The following ADAMTS19 variants were observed in gnomAD, a reference collection of about 807,000 sequenced individuals.
The protein encoded by ADAMTS19 is A disintegrin and metalloproteinase with thrombospondin motifs 19.
ADAMTS19 carries 93 observed loss-of-function variants against 153.3 expected under a neutral mutation model. The ratio of observed to expected loss-of-function variants is 0.61; its 90% CI spans 0.51 to 0.72. ADAMTS19 has a LOEUF of 0.72. Ranked by LOEUF, ADAMTS19 falls within the 30% of genes least tolerant of loss-of-function variation. ADAMTS19 has a pLI of 0.00. For missense variants in ADAMTS19, 1,482 were observed against 1,552.1 expected (o/e 0.95, Z 0.76); for synonymous variants, 600 against 556.6 (o/e 1.08, Z -1.10).
intron 6 of ADAMTS19, among the ~76,000 whole-genome samples, chr5:129,529,314 A>G (rs932208238): frequency 9.8e-5 from 15 of 152,306 alleles, no homozygotes; most frequent in African/African-American, 3.1e-4. Context: ...AATTTTAGTC[A>G]TCAAAAGTGT....
intron 7 of ADAMTS19, among the ~76,000 whole-genome samples, chr5:129,554,320 G>A (rs943936862): frequency 6.6e-6 from 1 of 152,110 alleles, no homozygotes; most frequent in Non-Finnish European, 1.5e-5. Flanking sequence ...TTAGGAAAGG[G>A]TAACCCTATG....
At chr5:129,609,112 C>T (rs146435702) in intron 8 of ADAMTS19, among the ~76,000 whole-genome samples, 2 of 152,246 alleles carry the variant, frequency 1.3e-5, no homozygotes, top group African/African-American at 4.8e-5. Flanking sequence ...GAATTTTCTA[C>T]AGCAGATGTC....
chr5:129,503,140 A>C (rs1457545923), intron 2 of ADAMTS19, among the ~76,000 whole-genome samples: 1 of 152,208 alleles, frequency 6.6e-6, no homozygotes, highest in Admixed American at 6.5e-5. Context: ...TTATATATGA[A>C]GTTTGAGTAG....
intron 21 of ADAMTS19, among the ~76,000 whole-genome samples, chr5:129,714,049 G>T (rs1411941060): frequency 6.6e-6 from 1 of 152,210 alleles, no homozygotes; most frequent in African/African-American, 2.4e-5. Context: ...TCAATGATGT[G>T]TGTAGTCCAA....
chr5:129,694,328 A>C (rs1365296412), intron 18 of ADAMTS19, among the ~76,000 whole-genome samples: 1 of 152,166 alleles, frequency 6.6e-6, no homozygotes, highest in African/African-American at 2.4e-5. Flanking sequence ...ACAAACCTGC[A>C]GGTGTACCCT....
At chr5:129,557,073 G>A (rs1753339729) in intron 7 of ADAMTS19, among the ~76,000 whole-genome samples, 1 of 152,062 alleles carries the variant, frequency 6.6e-6, no homozygotes, top group Admixed American at 6.6e-5. Flanking sequence ...TTAAACTGTG[G>A]TATCAACAAT....
intron 8 of ADAMTS19, among the ~76,000 whole-genome samples, chr5:129,599,572 G>GT (rs1750546166): frequency 6.6e-6 from 1 of 152,010 alleles, no homozygotes; most frequent in Admixed American, 6.6e-5. Context: ...AATCTTCATT[G>GT]TATTCTAAAA....
At chr5:129,583,464 T>C (rs1427608169) in intron 7 of ADAMTS19, among the ~76,000 whole-genome samples, 3 of 152,126 alleles carry the variant, frequency 2.0e-5, no homozygotes, top group African/African-American at 7.2e-5. Context: ...CCTCTCTTGC[T>C]AGGTTGGGGA....
intron 17 of ADAMTS19, among the ~76,000 whole-genome samples, chr5:129,683,169 T>C (rs1193709678): frequency 6.7e-6 from 1 of 149,360 alleles, no homozygotes; most frequent in Non-Finnish European, 1.5e-5. Context: ...ACACATTTTC[T>C]AAAAATAGAT....
At chr5:129,533,304 T>C (rs76370552) in intron 6 of ADAMTS19, among the ~76,000 whole-genome samples, 2,000 of 152,294 alleles carry the variant, frequency 0.013, 42 homozygotes, top group African/African-American at 0.045. Flanking sequence ...TTTGGATACA[T>C]GTGGGTTTAT....
chr5:129,666,327 T>G (rs952018389), intron 16 of ADAMTS19, among the ~76,000 whole-genome samples: 3 of 152,160 alleles, frequency 2.0e-5, no homozygotes, highest in Admixed American at 6.6e-5. Context: ...GGACCTAATA[T>G]GATTATGTCA....
intron 2 of ADAMTS19, among the ~76,000 whole-genome samples, chr5:129,494,510 T>C (rs1347462582): frequency 6.6e-6 from 1 of 152,214 alleles, no homozygotes; most frequent in Non-Finnish European, 1.5e-5. Context: ...TCTAATCCAG[T>C]CTCATGGCCT....
chr5:129,693,228 C>T (rs969039227), intron 18 of ADAMTS19, among the ~76,000 whole-genome samples: 1 of 152,092 alleles, frequency 6.6e-6, no homozygotes, highest in Non-Finnish European at 1.5e-5. Context: ...TGCCTCTTAC[C>T]ATCTCCCATT....
At chr5:129,705,883 G>A (rs1756129211) in intron 21 of ADAMTS19, among the ~76,000 whole-genome samples, 2 of 152,180 alleles carry the variant, frequency 1.3e-5, no homozygotes, top group South Asian at 4.1e-4. Flanking sequence ...TAATGCCTTT[G>A]TGTCTTTGTT....
At chr5:129,627,071 C>T (rs1302361285) in intron 10 of ADAMTS19, among the ~76,000 whole-genome samples, 1 of 151,856 alleles carries the variant, frequency 6.6e-6, no homozygotes, top group African/African-American at 2.4e-5. Context: ...TCGTGAGATG[C>T]CCATTACACA....
intron 8 of ADAMTS19, among the ~76,000 whole-genome samples, chr5:129,602,808 ATTG>A (rs968924736): frequency 7.0e-6 from 1 of 143,670 alleles, no homozygotes. Flanking sequence ...ACATTTTTGT[ATTG>A]TTGTCTTATA....
At chr5:129,651,810 A>T (rs1461870507) in intron 13 of ADAMTS19, among the ~76,000 whole-genome samples, 1 of 152,212 alleles carries the variant, frequency 6.6e-6, no homozygotes, top group East Asian at 1.9e-4. Context: ...TTAAGTGTCC[A>T]ATGAATATTT....
chr5:129,680,379 T>A (rs1394539197), intron 17 of ADAMTS19, among the ~76,000 whole-genome samples: 1 of 152,162 alleles, frequency 6.6e-6, no homozygotes, highest in African/African-American at 2.4e-5. Context: ...GTGCTCCCCA[T>A]CACCCTGTTT....
intron 6 of ADAMTS19, among the ~76,000 whole-genome samples, chr5:129,543,041 TTG>T (rs1752710522): frequency 4.9e-5 from 6 of 122,124 alleles, no homozygotes; most frequent in Admixed American, 8.1e-5. Context: ...GTTGTTGTTG[TTG>T]TTTTGTTTTT....
Sources: gnomAD v4.1 joint callset for allele counts (sites outside exome capture counted in the v4.1 genomes callset) on GRCh38, gnomAD v4.1.1 for gene constraint, MANE v1.5 for transcripts, NCBI Gene and HGNC (gene_info 2026-07-23, HGNC 2026-07-21) for gene names.